The following CALHM4 variants were observed in gnomAD, a reference collection of about 807,000 sequenced individuals.
The protein encoded by CALHM4 is calcium homeostasis modulator protein 4.
In CALHM4, 16 loss-of-function variants were observed where a neutral mutation model predicts 13.3. The ratio of observed to expected loss-of-function variants is 1.20; its 90% CI spans 0.81 to 1.82. The LOEUF is 1.82. Ranked by LOEUF, CALHM4 falls within the 40% of genes most tolerant of loss-of-function variation. The pLI is 0.00. For missense variants in CALHM4, 344 were observed against 374.9 expected (o/e 0.92, Z 0.68); for synonymous variants, 127 against 137.1 (o/e 0.93, Z 0.52).
At chr6:116,540,330 A>G in intron 1 of CALHM4, 3 of 1,539,448 alleles carry the variant, frequency 1.9e-6, no homozygotes, top group East Asian at 2.4e-5. Context: ...GAGATTTTTC[A>G]AAACATATTG....
At chr6:116,537,016 G>A (rs1773138312) in intron 1 of CALHM4, among the ~76,000 whole-genome samples, 1 of 152,166 alleles carries the variant, frequency 6.6e-6, no homozygotes, top group African/African-American at 2.4e-5. Flanking sequence ...CTTTGTCAAA[G>A]TGCTCCTGAA....
chr6:116,549,774 G>A (rs190388877), upstream of CALHM4, among the ~76,000 whole-genome samples: 310 of 151,308 alleles, frequency 2.0e-3, 1 homozygote, highest in African/African-American at 6.8e-3. Flanking sequence ...TCAGAAGTTT[G>A]AGACCAGCAT....
At chr6:116,556,998 C>T (rs1282834814) in intron 1 of CALHM4, among the ~76,000 whole-genome samples, 1 of 137,224 alleles carries the variant, frequency 7.3e-6, no homozygotes, top group East Asian at 2.2e-4. Flanking sequence ...ATTATTATGG[C>T]ATGATCTGGG....
chr6:116,560,652 G>T lies in CALHM4; in HGVS notation c.*2441G>T, dbSNP rs1339391162. Among the ~76,000 whole-genome samples, 1 of 8,154 alleles carries T rather than the reference G, an allele frequency of 1.2e-4. No individual in the cohort carries two copies. Among genetic ancestry groups the T allele is most frequent in the Admixed American group, 1.5e-3 (1 of 662 alleles). 5.3% of individuals were successfully genotyped at this position (8,154 alleles called of 152,430 possible). ...AATAAATGGAATTTTTAGTATTTTG[G>T]GGGGGGGGGGGGCTATGGTCTATAG... On this transcript the variant is annotated 3_prime_UTR_variant, in exon 2 of 2. Transcript: ENST00000368596.
chr6:116,541,873 A>G (rs1164428712), intron 1 of CALHM4, among the ~76,000 whole-genome samples: 2 of 152,184 alleles, frequency 1.3e-5, no homozygotes, highest in African/African-American at 4.8e-5. Context: ...TAGATATTTT[A>G]TAAATTAAAA....
At chr6:116,539,783 T>A (rs1562353168) in intron 1 of CALHM4, among the ~76,000 whole-genome samples, 1 of 152,136 alleles carries the variant, frequency 6.6e-6, no homozygotes, top group Non-Finnish European at 1.5e-5. Flanking sequence ...AACACTACAT[T>A]AATAACCATA....
intron 1 of CALHM4, among the ~76,000 whole-genome samples, chr6:116,536,317 G>T (rs756259719): frequency 6.6e-6 from 1 of 152,000 alleles, no homozygotes; most frequent in South Asian, 2.1e-4. Flanking sequence ...TTTCTTTTCA[G>T]ACCACTAGAT....
At chr6:116,533,898 C>T (rs1015249381) in intron 1 of CALHM4, among the ~76,000 whole-genome samples, 11 of 152,210 alleles carry the variant, frequency 7.2e-5, no homozygotes, top group African/African-American at 2.7e-4. Flanking sequence ...CCCACTTACA[C>T]CCTAATGTGA....
rs982153938 is a variant in CALHM4 at position 116,554,318 on chromosome 6, T to A, written c.525T>A (p.Asp175Glu). The change falls in exon 1 of 2, where the codon GAT (aspartate) becomes GAA (glutamate). Residue 175 changes from aspartate (D) to glutamate (E), a missense_variant. Coordinates refer to ENST00000368596, the MANE Select transcript of CALHM4 (RefSeq NM_001366078.2). Reference protein sequence around the residue: ...SAPSDVILVRDEIALLHRYQS... With the variant: ...SAPSDVILVREEIALLHRYQS... Reference sequence around the variant, plus strand: ...CTTCTGACGTGATCCTAGTAAGAGATGAAATAGCTCTTCTGCACAGATACC... The same window carrying A: ...CTTCTGACGTGATCCTAGTAAGAGAAGAAATAGCTCTTCTGCACAGATACC... 1.9e-6 allele frequency: 3 copies of A among 1,548,468 alleles called. No homozygotes were observed. Among genetic ancestry groups the A allele is most frequent in the Non-Finnish European group, 2.6e-6 (3 of 1,146,780 alleles).
upstream of CALHM4, among the ~76,000 whole-genome samples, chr6:116,552,379 C>A (rs1338683403): frequency 1.3e-5 from 2 of 152,168 alleles, no homozygotes; most frequent in Non-Finnish European, 2.9e-5. Flanking sequence ...GAATTACCAA[C>A]ATTCTTCAGA....
chr6:116,530,552 G>A (rs749245564), intron 1 of CALHM4, among the ~76,000 whole-genome samples: 1 of 152,100 alleles, frequency 6.6e-6, no homozygotes, highest in Non-Finnish European at 1.5e-5. Context: ...GGAGAATTTA[G>A]TTATCTCCCT....
rs1774436728 is a variant in CALHM4, at chr6:116,558,324, G to T, written c.*113G>T. On this transcript the variant is annotated 3_prime_UTR_variant, in exon 2 of 2. Coordinates refer to ENST00000368596, the MANE Select transcript of CALHM4 (RefSeq NM_001366078.2). The stretch of plus-strand genomic sequence containing the variant: ...ATCTTTTTCTTTCTCTCTGATATTT[G>T]TTTACGTAAGTCCATCTCAAATATT... The T allele has an allele frequency of 1.8e-6, 2 of 1,107,396 alleles. No individual in the cohort carries two copies. The highest frequency in any genetic ancestry group is 2.5e-6 in the Non-Finnish European group (2 of 795,470). The allele number at this position is 1,107,396 out of a possible 1,614,324, so 68.6% of individuals were successfully genotyped here.
intron 1 of CALHM4, among the ~76,000 whole-genome samples, chr6:116,531,749 T>C (rs1327938428): frequency 6.6e-6 from 1 of 152,122 alleles, no homozygotes; most frequent in Non-Finnish European, 1.5e-5. Flanking sequence ...TATTTGCATT[T>C]TAAATCACAG....
At chr6:116,534,922 C>T (rs896901267) in intron 1 of CALHM4, among the ~76,000 whole-genome samples, 1 of 152,138 alleles carries the variant, frequency 6.6e-6, no homozygotes, top group Admixed American at 6.5e-5. Flanking sequence ...TCCCTTCTTA[C>T]TGTGACAACA....
upstream of CALHM4, among the ~76,000 whole-genome samples, chr6:116,550,332 A>T (rs2115276218): frequency 6.6e-6 from 1 of 152,194 alleles, no homozygotes; most frequent in African/African-American, 2.4e-5. Context: ...TAGTTCTGGA[A>T]CAGTGGTTAA....
At chr6:116,549,505 T>C (rs2115272522), upstream of CALHM4, among the ~76,000 whole-genome samples, 1 of 152,280 alleles carries the variant, frequency 6.6e-6, no homozygotes, top group East Asian at 1.9e-4. Context: ...ATTTATCATT[T>C]GTATGTGTTG....
intron 1 of CALHM4, among the ~76,000 whole-genome samples, chr6:116,539,032 A>G (rs1007900251): frequency 6.6e-6 from 1 of 152,162 alleles, no homozygotes; most frequent in Non-Finnish European, 1.5e-5. Context: ...AGAGGGAGTC[A>G]TTCTCAAACC....
chr6:116,550,136 C>A (rs1214073872), upstream of CALHM4, among the ~76,000 whole-genome samples: 1 of 151,388 alleles, frequency 6.6e-6, no homozygotes, highest in Admixed American at 6.6e-5. Context: ...TACAAGTTGA[C>A]AATTGCCAAA....
At chr6:116,539,703 AGACT>A (rs1187372633) in intron 1 of CALHM4, among the ~76,000 whole-genome samples, 1 of 152,166 alleles carries the variant, frequency 6.6e-6, no homozygotes, top group Non-Finnish European at 1.5e-5. Context: ...AAAAAAAATG[AGACT>A]GACTTAATTG....
Sources: gnomAD v4.1 joint callset for allele counts (sites outside exome capture counted in the v4.1 genomes callset) on GRCh38, gnomAD v4.1.1 for gene constraint, MANE v1.5 for transcripts, NCBI Gene and HGNC (gene_info 2026-07-23, HGNC 2026-07-21) for gene names.